ABTB2: variants seen among roughly 807,000 people sequenced by gnomAD.
ABTB2 encodes ankyrin repeat and BTB domain containing 2.
A neutral mutation model predicts 104.1 loss-of-function variants in ABTB2; 56 were observed. The ratio of observed to expected loss-of-function variants is 0.54; its 90% CI spans 0.43 to 0.67. The LOEUF (loss-of-function observed/expected upper bound fraction) is 0.67. Ranked by LOEUF, ABTB2 falls within the 30% of genes least tolerant of loss-of-function variation. ABTB2 has a pLI of 0.00. For missense variants in ABTB2, 1,279 were observed against 1,407.7 expected (o/e 0.91, Z 1.46); for synonymous variants, 606 against 608.2 (o/e 1.00, Z 0.05).
chr11:34,236,845 G>A (rs1310189815), intron 1 of ABTB2, among the ~76,000 whole-genome samples: 1 of 152,206 alleles, frequency 6.6e-6, no homozygotes. Context: ...TCTGCAGCTT[G>A]GGTGTGCCCA....
At chr11:34,304,920 C>G (rs1854752975) in intron 1 of ABTB2, among the ~76,000 whole-genome samples, 1 of 152,222 alleles carries the variant, frequency 6.6e-6, no homozygotes, top group Non-Finnish European at 1.5e-5. Context: ...GTTTCCTCTG[C>G]CAGTCTCAGT....
rs943745728 is a variant in ABTB2 at position 34,264,127 on chromosome 11, T to C, written c.884-59437A>G. On this transcript the variant is annotated intron_variant, in intron 1 of 16. Coordinates refer to ENST00000435224, the MANE Select transcript of ABTB2 (RefSeq NM_145804.3). ...AGCAGGAGAAAAAGGGCGAGAGTTT[T>C]AGGGCCATCAGGAGAGTCTCCAAAC... Among the ~76,000 whole-genome samples the C allele has an allele frequency of 3.3e-5, 5 of 152,218 alleles. No homozygotes were observed. The East Asian group carries it at 9.6e-4, about 29-fold the overall frequency.
chr11:34,171,163 T>C lies in ABTB2; in HGVS notation c.1398-92A>G. On this transcript the variant is annotated intron_variant, in intron 4 of 16. Coordinates refer to ENST00000435224, the MANE Select transcript of ABTB2 (RefSeq NM_145804.3). ...ACATGTGTGAGCTTTACGTGTAGAG[T>C]GAGGATGAGGATGGGTGGGAAGCAC... The C allele has an allele frequency of 4.4e-6, 6 of 1,362,840 alleles. No individual in the cohort carries two copies. In the South Asian group the frequency reaches 7.0e-5, roughly 16 times the overall value. The allele number at this position is 1,362,840 out of a possible 1,614,324, so 84.4% of individuals were successfully genotyped here.
chr11:34,351,833 C>T (rs3981191), intron 1 of ABTB2, among the ~76,000 whole-genome samples: 23,876 of 151,918 alleles, frequency 0.16, 3,282 homozygotes, highest in African/African-American at 0.36. Context: ...GCTCTTCCAG[C>T]TGGGGGAGTC....
At chr11:34,229,026 G>C (rs1477426513) in intron 1 of ABTB2, among the ~76,000 whole-genome samples, 1 of 148,916 alleles carries the variant, frequency 6.7e-6, no homozygotes, top group Non-Finnish European at 1.5e-5. Flanking sequence ...GGCTGAGGCA[G>C]GAGAATTGCT....
At chr11:34,185,378 G>A (rs1853083964) in intron 3 of ABTB2, among the ~76,000 whole-genome samples, 1 of 152,224 alleles carries the variant, frequency 6.6e-6, no homozygotes, top group Non-Finnish European at 1.5e-5. Context: ...GCCTGACCCT[G>A]CTTTGTGCAT....
intron 1 of ABTB2, among the ~76,000 whole-genome samples, chr11:34,353,268 G>A (rs1486413103): frequency 6.6e-6 from 1 of 152,064 alleles, no homozygotes; most frequent in Non-Finnish European, 1.5e-5. Flanking sequence ...TTTCTAAAAT[G>A]CCACAGACAC....
intron 1 of ABTB2, among the ~76,000 whole-genome samples, chr11:34,233,146 C>T (rs961964582): frequency 6.6e-6 from 1 of 152,208 alleles, no homozygotes; most frequent in South Asian, 2.1e-4. Context: ...GCTAACAGTC[C>T]ACCACGGGAA....
chr11:34,186,518 G>C (rs532114698), intron 3 of ABTB2, among the ~76,000 whole-genome samples: 1 of 152,280 alleles, frequency 6.6e-6, no homozygotes, highest in South Asian at 2.1e-4. Context: ...TGAGAATCCT[G>C]GCAAGACTGC....
intron 1 of ABTB2, among the ~76,000 whole-genome samples, chr11:34,211,551 AATGGAAT>A: frequency 6.6e-6 from 1 of 152,206 alleles, no homozygotes; most frequent in Non-Finnish European, 1.5e-5. Flanking sequence ...CCTGAAGTGG[AATGGAAT>A]ATGCCCCAGG....
intron 1 of ABTB2, among the ~76,000 whole-genome samples, chr11:34,338,025 G>A (rs1013583898): frequency 2.0e-5 from 3 of 151,882 alleles, no homozygotes; most frequent in African/African-American, 7.3e-5. Flanking sequence ...CACCCCCAGT[G>A]ATGTAGATGG....
At chr11:34,342,669 G>A (rs1023508689) in intron 1 of ABTB2, among the ~76,000 whole-genome samples, 1 of 152,166 alleles carries the variant, frequency 6.6e-6, no homozygotes, top group African/African-American at 2.4e-5. Flanking sequence ...TTGACCCACG[G>A]TAGGTCTGTG....
chr11:34,354,489 TG>T (rs1855439354), intron 1 of ABTB2, among the ~76,000 whole-genome samples: 1 of 552 alleles, frequency 1.8e-3, no homozygotes, highest in Non-Finnish European at 3.0e-3. Flanking sequence ...GTGGTGGAGC[TG>T]GGGGGTGGGG....
intron 3 of ABTB2, among the ~76,000 whole-genome samples, chr11:34,174,146 A>G (rs1852927452): frequency 6.6e-6 from 1 of 152,088 alleles, no homozygotes; most frequent in Non-Finnish European, 1.5e-5. Flanking sequence ...CATCCCGGCT[A>G]ACACAGTCTC....
intron 1 of ABTB2, among the ~76,000 whole-genome samples, chr11:34,261,916 C>T (rs1854193466): frequency 6.6e-6 from 1 of 152,208 alleles, no homozygotes; most frequent in Admixed American, 6.5e-5. Context: ...CAGCTTGTGG[C>T]TGCCAGCATT....
chr11:34,195,086 AGT>A (rs1565137698), intron 3 of ABTB2, among the ~76,000 whole-genome samples: 2 of 38,108 alleles, frequency 5.2e-5, no homozygotes, highest in Non-Finnish European at 6.8e-5. Flanking sequence ...GGGGGGGGGG[AGT>A]GGGGGCGGGA....
chr11:34,197,296 C>T (rs1453742639), intron 3 of ABTB2, 29 bp downstream of exon 3: 3 of 1,609,418 alleles, frequency 1.9e-6, no homozygotes, highest in Non-Finnish European at 2.6e-6. Flanking sequence ...CACGTCCCAC[C>T]AGGTGCTCAG....
chr11:34,322,475 T>C (rs192637831), intron 1 of ABTB2, among the ~76,000 whole-genome samples: 6 of 152,196 alleles, frequency 3.9e-5, no homozygotes, highest in Non-Finnish European at 8.8e-5. Flanking sequence ...CTAGGAAGGC[T>C]GAGGCAGGAC....
Position 34,161,061 on chromosome 11 carries a change from T to C in ABTB2, c.2239A>G (p.Ile747Val). 1 of 1,610,426 alleles carries C rather than the reference T, an allele frequency of 6.2e-7. No individual in the cohort carries two copies. The highest frequency in any genetic ancestry group is 8.5e-7 in the Non-Finnish European group (1 of 1,178,340). The change falls in exon 11 of 17, where the codon ATC becomes GTC. Residue 747 changes from isoleucine (I) to valine (V), a missense_variant. Transcript: ENST00000435224. The part of the protein sequence containing the change: ...RALGVPWKLH[I>V]WIESLRTSFS... The stretch of plus-strand genomic sequence containing the variant: ...GAGGTCCTCAGAGACTCGATCCAGA[T>C]GTGCAGCTTCCAGGGGACTCCTGGT...
Sources: gnomAD v4.1 joint callset for allele counts (sites outside exome capture counted in the v4.1 genomes callset) on GRCh38, gnomAD v4.1.1 for gene constraint, MANE v1.5 for transcripts, NCBI Gene and HGNC (gene_info 2026-07-23, HGNC 2026-07-21) for gene names.